Variants in NAV3 observed in about 807,000 individuals in gnomAD.
NAV3 encodes the protein neuron navigator 3, also known as pore membrane and/or filament interacting like protein 1.
NAV3 carries 87 observed loss-of-function variants against 244.7 expected under a neutral mutation model. The observed-to-expected ratio is 0.36, with a 90% CI of 0.30 to 0.42. The LOEUF is 0.42. Among genes scored for constraint, NAV3 ranks in the 20% least tolerant of loss-of-function variants. The pLI is 1.00. For synonymous variants in NAV3, 1,126 were observed against 1,042.2 expected (o/e 1.08, Z -1.55); for missense variants, 2,663 against 2,893.3 (o/e 0.92, Z 1.83).
At chr12:77,653,282 G>A (rs909375879) in intron 2 of NAV3, among the ~76,000 whole-genome samples, 5 of 152,202 alleles carry the variant, frequency 3.3e-5, no homozygotes, top group Admixed American at 2.0e-4. Context: ...CTAGCAGAGT[G>A]CCTGATACTG....
intron 2 of NAV3, among the ~76,000 whole-genome samples, chr12:77,792,138 C>T (rs1871204896): frequency 6.6e-6 from 1 of 152,156 alleles, no homozygotes; most frequent in African/African-American, 2.4e-5. Flanking sequence ...CTTCCAATTC[C>T]TCCAAACTGT....
chr12:78,007,730 T>G (rs2136609988), intron 8 of NAV3, among the ~76,000 whole-genome samples: 1 of 152,314 alleles, frequency 6.6e-6, no homozygotes, highest in African/African-American at 2.4e-5. Flanking sequence ...GCCACAACTT[T>G]CTCTTGTGTT....
intron 2 of NAV3, among the ~76,000 whole-genome samples, chr12:77,714,677 A>C (rs1457705467): frequency 6.6e-6 from 1 of 152,150 alleles, no homozygotes; most frequent in Non-Finnish European, 1.5e-5. Flanking sequence ...ATGTCTACTA[A>C]ACATCTATGA....
chr12:78,127,013 T>A (rs1438358914), intron 16 of NAV3, among the ~76,000 whole-genome samples, 154 bp from the exon 17 acceptor site: 1 of 152,236 alleles, frequency 6.6e-6, no homozygotes, highest in Non-Finnish European at 1.5e-5. Flanking sequence ...ATGGACATCT[T>A]GTCACCTTTA....
chr12:78,025,595 C>CAAAAAAA (rs1186694789), intron 9 of NAV3, among the ~76,000 whole-genome samples: 32 of 55,556 alleles, frequency 5.8e-4, no homozygotes, highest in East Asian at 1.4e-3. Context: ...GACTCCATCT[C>CAAAAAAA]AAAAAAAAAA....
At chr12:78,099,330 T>C (rs1205726658) in intron 12 of NAV3, among the ~76,000 whole-genome samples, 1 of 151,672 alleles carries the variant, frequency 6.6e-6, no homozygotes, top group African/African-American at 2.4e-5. Flanking sequence ...GAATGAATAA[T>C]GTACAGATAC....
At chr12:77,745,824 C>T (rs1018415212) in intron 2 of NAV3, among the ~76,000 whole-genome samples, 2 of 151,638 alleles carry the variant, frequency 1.3e-5, no homozygotes, top group Non-Finnish European at 2.9e-5. Context: ...CAGAGAGGGA[C>T]AAAGAAGAAT....
intron 7 of NAV3, among the ~76,000 whole-genome samples, chr12:78,005,163 C>A (rs142141464): frequency 1.2e-3 from 175 of 152,136 alleles, no homozygotes; most frequent in African/African-American, 4.0e-3. Flanking sequence ...TGTAGATGCA[C>A]AGAAGATACA....
At chr12:77,935,886 C>G (rs1459017248) in intron 1 of NAV3, among the ~76,000 whole-genome samples, 1 of 152,096 alleles carries the variant, frequency 6.6e-6, no homozygotes, top group African/African-American at 2.4e-5. Context: ...TCAGAAAAAC[C>G]AGATCTCATG....
intron 9 of NAV3, among the ~76,000 whole-genome samples, chr12:78,046,574 G>C (rs991445410): frequency 2.0e-5 from 3 of 152,200 alleles, no homozygotes; most frequent in Admixed American, 1.3e-4. Context: ...GTTCTAATTT[G>C]ATTGCACTCT....
In NAV3 at chr12:77,638,288, C is replaced by G. The variant is rs373983138; in HGVS notation, c.72+66022C>G. ...TTACCCCTGCTTTGAAAACAAAGGA[C>G]AAAATATTGGGATTTCTCTTCATAG... On this transcript the variant is annotated intron_variant, in intron 2 of 8. Transcript: ENST00000550042. 2.2e-4 allele frequency among the ~76,000 whole-genome samples: 33 copies of G among 152,244 alleles called. No homozygotes were observed. In the East Asian group the frequency reaches 5.4e-3, roughly 25 times the overall value.
chr12:77,782,175 A>T (rs946829018), intron 2 of NAV3, among the ~76,000 whole-genome samples: 1 of 152,116 alleles, frequency 6.6e-6, no homozygotes, highest in Non-Finnish European at 1.5e-5. Context: ...CTCATGTTCA[A>T]GAGCTCTGGG....
At chr12:78,140,761 G>A (rs1461952393) in intron 20 of NAV3, among the ~76,000 whole-genome samples, 1 of 151,848 alleles carries the variant, frequency 6.6e-6, no homozygotes, top group Admixed American at 6.6e-5. Flanking sequence ...TTATTGTTGA[G>A]AGGATTATCG....
Position 78,175,445 on chromosome 12 carries a change from A to G in NAV3, c.5103+18A>G. 6.2e-7 allele frequency: 1 copy of G among 1,605,094 alleles called. No individual in the cohort carries two copies. The highest frequency in any genetic ancestry group is 8.5e-7 in the Non-Finnish European group (1 of 1,176,614). The stretch of plus-strand genomic sequence containing the variant: ...AAAACTGGGTAAGTTACCATCCTTC[A>G]TCTAATTCAGAAGCTTATTAATGCA... On this transcript the variant is annotated intron_variant, in intron 25 of 39. Coordinates refer to ENST00000397909, the MANE Select transcript of NAV3 (RefSeq NM_001024383.2).
At chr12:77,749,020 A>G (rs889241185) in intron 2 of NAV3, among the ~76,000 whole-genome samples, 1 of 152,174 alleles carries the variant, frequency 6.6e-6, no homozygotes. Flanking sequence ...ACTTCTGCAA[A>G]GCGGGAGAAA....
chr12:77,820,958 C>T (rs953605812), intron 2 of NAV3, among the ~76,000 whole-genome samples: 1 of 151,896 alleles, frequency 6.6e-6, no homozygotes, highest in South Asian at 2.1e-4. Flanking sequence ...TTCTAATTTC[C>T]TATTCTTTTT....
chr12:78,149,390 A>G (rs868021548), intron 22 of NAV3, among the ~76,000 whole-genome samples: 6 of 152,104 alleles, frequency 3.9e-5, no homozygotes, highest in Admixed American at 2.0e-4. Flanking sequence ...TGTGGATGAG[A>G]TATGGTTTGC....
intron 23 of NAV3, among the ~76,000 whole-genome samples, chr12:78,162,441 C>A (rs1200039811): frequency 6.6e-6 from 1 of 151,918 alleles, no homozygotes; most frequent in Non-Finnish European, 1.5e-5. Context: ...TCTACTAGAA[C>A]TCTAAAAGCA....
intron 1 of NAV3, among the ~76,000 whole-genome samples, chr12:77,900,083 T>C (rs1885095128): frequency 6.6e-6 from 1 of 151,238 alleles, no homozygotes; most frequent in African/African-American, 2.4e-5. Context: ...CAATTTTTTT[T>C]TTTTTTTTTT....
Sources: gnomAD v4.1 joint callset for allele counts (sites outside exome capture counted in the v4.1 genomes callset) on GRCh38, gnomAD v4.1.1 for gene constraint, MANE v1.5 for transcripts, NCBI Gene and HGNC (gene_info 2026-07-23, HGNC 2026-07-21) for gene names.